Variants in AGBL4 observed in about 807,000 individuals in gnomAD.
The protein encoded by AGBL4 is cytosolic carboxypeptidase 6.
AGBL4 carries 58 observed loss-of-function variants against 66.4 expected under a neutral mutation model. That is an observed-to-expected ratio of 0.87 (90% CI 0.71 to 1.09). The LOEUF is 1.09. Among genes scored for constraint, AGBL4 ranks in the 50% least tolerant of loss-of-function variants. AGBL4 has a pLI of 0.00. For missense variants in AGBL4, 579 were observed against 631.0 expected, an observed-to-expected ratio of 0.92 and a Z score of 0.88; for synonymous variants, 234 against 222.9, an observed-to-expected ratio of 1.05 and a Z score of -0.44.
chr1:48,677,717 G>A lies in AGBL4; in HGVS notation c.635-14476C>T, dbSNP rs545393843. ...CACTTATCCAGAGCTTCCTGTCCTT[G>A]TAACGTCACACACCCAGATCACAGC... On this transcript the variant is annotated intron_variant, in intron 6 of 13. Transcript: ENST00000371839. Among the ~76,000 whole-genome samples the A allele has an allele frequency of 6.6e-5, 10 of 150,526 alleles. No homozygotes were observed. The East Asian group carries it at 1.7e-3, about 26-fold the overall frequency.
At chr1:49,705,480 GCAAA>G (rs1393722264) in intron 2 of AGBL4, among the ~76,000 whole-genome samples, 4 of 151,916 alleles carry the variant, frequency 2.6e-5, no homozygotes, top group Admixed American at 2.0e-4. Flanking sequence ...CATGTCATCT[GCAAA>G]CAGAGACAAT....
chr1:48,844,689 C>T (rs761858413), intron 6 of AGBL4, among the ~76,000 whole-genome samples: 2 of 152,224 alleles, frequency 1.3e-5, no homozygotes, highest in Admixed American at 6.5e-5. Flanking sequence ...CCTTTGTCAG[C>T]GTTCTTGGTA....
intron 1 of AGBL4, among the ~76,000 whole-genome samples, chr1:50,003,296 G>A (rs1660903117): frequency 6.6e-6 from 1 of 152,220 alleles, no homozygotes; most frequent in South Asian, 2.1e-4. Flanking sequence ...CAAAGAGACA[G>A]ATAGTTTCGG....
At chr1:49,725,295 G>A (rs1244710256) in intron 2 of AGBL4, among the ~76,000 whole-genome samples, 1 of 152,136 alleles carries the variant, frequency 6.6e-6, no homozygotes, top group Non-Finnish European at 1.5e-5. Context: ...GCTATTAAGG[G>A]CTTGCTGAGT....
chr1:48,948,471 T>C (rs1323298514), intron 5 of AGBL4, among the ~76,000 whole-genome samples: 6 of 152,232 alleles, frequency 3.9e-5, no homozygotes, highest in Non-Finnish European at 8.8e-5. Context: ...AGATTTCTTC[T>C]GAAAACCCCA....
At chr1:49,150,795 G>A (rs987550624) in intron 4 of AGBL4, among the ~76,000 whole-genome samples, 4 of 152,038 alleles carry the variant, frequency 2.6e-5, no homozygotes, top group East Asian at 3.9e-4. Flanking sequence ...GAGCTTCCAC[G>A]TTATCCTATA....
chr1:49,399,716 T>A (rs1018707952), intron 3 of AGBL4, among the ~76,000 whole-genome samples: 1 of 152,174 alleles, frequency 6.6e-6, no homozygotes, highest in African/African-American at 2.4e-5. Flanking sequence ...CCTACAGAGT[T>A]GTTTGAGCTC....
At chr1:48,998,070 T>C (rs1385954650) in intron 5 of AGBL4, among the ~76,000 whole-genome samples, 2 of 152,230 alleles carry the variant, frequency 1.3e-5, no homozygotes, top group African/African-American at 4.8e-5. Flanking sequence ...TCCACTAGTT[T>C]GAAGACTGAA....
intron 6 of AGBL4, among the ~76,000 whole-genome samples, chr1:48,752,129 C>A (rs1336030289): frequency 1.3e-5 from 2 of 152,188 alleles, no homozygotes; most frequent in African/African-American, 2.4e-5. Context: ...TTAGGCCTTA[C>A]CTCCACAAGG....
chr1:49,899,814 G>A (rs1649592491), intron 1 of AGBL4, among the ~76,000 whole-genome samples: 1 of 152,178 alleles, frequency 6.6e-6, no homozygotes, highest in South Asian at 2.1e-4. Flanking sequence ...GCCGAGGCAA[G>A]CAGATCACTT....
chr1:48,813,482 A>G (rs1646104115), intron 6 of AGBL4, among the ~76,000 whole-genome samples: 1 of 152,206 alleles, frequency 6.6e-6, no homozygotes, highest in Non-Finnish European at 1.5e-5. Context: ...GAGGTTCAAG[A>G]GAAGAGAGAA....
chr1:49,579,170 C>T (rs995824656), intron 3 of AGBL4, among the ~76,000 whole-genome samples: 3 of 152,176 alleles, frequency 2.0e-5, no homozygotes, highest in Admixed American at 6.5e-5. Context: ...CAGCCAATTA[C>T]GGTACCTTGT....
intron 1 of AGBL4, among the ~76,000 whole-genome samples, chr1:49,943,721 GA>G (rs34779897): frequency 0.2 from 27,751 of 137,530 alleles, 3,077 homozygotes; most frequent in East Asian, 0.44. Context: ...AGGTCACAGG[GA>G]AAAAAAAAAA....
chr1:49,290,988 A>G (rs901717136), intron 3 of AGBL4, among the ~76,000 whole-genome samples: 2 of 152,192 alleles, frequency 1.3e-5, no homozygotes, highest in African/African-American at 4.8e-5. Context: ...AGAATGGGCA[A>G]CAGAGCGAGG....
intron 4 of AGBL4, among the ~76,000 whole-genome samples, chr1:49,240,089 A>G (rs1395062886): frequency 2.0e-5 from 3 of 152,038 alleles, no homozygotes; most frequent in African/African-American, 7.2e-5. Flanking sequence ...TTATTTCAGA[A>G]AAGACACCAC....
At chr1:48,918,400 C>CG (rs1653792335) in intron 5 of AGBL4, among the ~76,000 whole-genome samples, 1 of 152,194 alleles carries the variant, frequency 6.6e-6, no homozygotes, top group African/African-American at 2.4e-5. Flanking sequence ...TCACAGATGA[C>CG]GGAAACAACT....
At chr1:49,541,328 T>G (rs1002274322) in intron 3 of AGBL4, among the ~76,000 whole-genome samples, 2 of 151,968 alleles carry the variant, frequency 1.3e-5, no homozygotes, top group Non-Finnish European at 2.9e-5. Flanking sequence ...CAGAGAGGTG[T>G]GGAGGGAGAG....
chr1:48,580,953 C>T (rs1344311680), intron 11 of AGBL4, among the ~76,000 whole-genome samples: 1 of 152,068 alleles, frequency 6.6e-6, no homozygotes, highest in Admixed American at 6.5e-5. Context: ...AAGTCTGAGC[C>T]CTAGTTTCTC....
chr1:48,958,539 G>T (rs750783940), intron 5 of AGBL4, among the ~76,000 whole-genome samples: 34 of 152,220 alleles, frequency 2.2e-4, no homozygotes, highest in Non-Finnish European at 1.0e-4. Context: ...CCTCAGTATG[G>T]AAGAAACCTG....
Sources: gnomAD v4.1 joint callset for allele counts (sites outside exome capture counted in the v4.1 genomes callset) on GRCh38, gnomAD v4.1.1 for gene constraint, MANE v1.5 for transcripts, NCBI Gene and HGNC (gene_info 2026-07-23, HGNC 2026-07-21) for gene names.